Variants in UGT1A3 observed in about 807,000 individuals in gnomAD.
The protein encoded by UGT1A3 is UDP-glucuronosyltransferase 1A3.
A neutral mutation model predicts 41.0 loss-of-function variants in UGT1A3; 31 were observed. That is an observed-to-expected ratio of 0.76 (90% CI 0.57 to 1.02). UGT1A3 has a LOEUF of 1.02. UGT1A3 is among the 50% of genes least tolerant of loss of function. The pLI, the probability that UGT1A3 is intolerant of heterozygous loss-of-function variation, is 0.00. For missense variants in UGT1A3, 737 were observed against 671.0 expected (o/e 1.10, Z -1.09); for synonymous variants, 262 against 257.6 (o/e 1.02, Z -0.17).
chr2:233,738,569 A>G (rs1031993936), intron 1 of UGT1A3, among the ~76,000 whole-genome samples: 1 of 152,222 alleles, frequency 6.6e-6, no homozygotes, highest in African/African-American at 2.4e-5. Context: ...GAATCTGTTG[A>G]GAACTGGAGC....
chr2:233,729,788 C>T lies in UGT1A3; in HGVS notation c.662C>T (p.Ser221Phe), dbSNP rs377448970. 5 of 1,613,954 alleles carry T rather than the reference C, an allele frequency of 3.1e-6. No homozygotes were observed. Among genetic ancestry groups the T allele is most frequent in the Non-Finnish European group, 3.4e-6 (4 of 1,179,858 alleles). ...AACATGCTCTACCCTCTGGCCCTGT[C>T]CTACATTTGCCATGCTTTTTCTGCT... ...VKNMLYPLAL[S>F]YICHAFSAPY... Residue 221 changes from serine to phenylalanine, a missense_variant, in exon 1 of 5, where the codon TCC (serine) becomes TTC (phenylalanine). Coordinates refer to ENST00000482026, the MANE Select transcript of UGT1A3 (RefSeq NM_019093.4).
At chr2:233,733,135 T>C (rs2078360537) in intron 1 of UGT1A3, among the ~76,000 whole-genome samples, 1 of 152,236 alleles carries the variant, frequency 6.6e-6, no homozygotes, top group Admixed American at 6.5e-5. Flanking sequence ...ATAGGAATGC[T>C]TGTGATTTTT....
chr2:233,755,243 TC>T (rs1695828165), intron 1 of UGT1A3: 10 of 851,914 alleles, frequency 1.2e-5, no homozygotes. Flanking sequence ...ACCGGGGTAC[TC>T]CCAGCACCTC....
At chr2:233,757,567 T>TATATATATATATATATATATATA (rs1553619947) in intron 1 of UGT1A3, among the ~76,000 whole-genome samples, 8 of 142,914 alleles carry the variant, frequency 5.6e-5, no homozygotes, top group Non-Finnish European at 1.1e-4. Context: ...TATATGTATA[T>TATATATATATATATATATATATA]ATGATATAGC....
At chr2:233,744,388 A>G (rs1176772242) in intron 1 of UGT1A3, among the ~76,000 whole-genome samples, 1 of 151,864 alleles carries the variant, frequency 6.6e-6, no homozygotes, top group Non-Finnish European at 1.5e-5. Flanking sequence ...CCAACGTTCC[A>G]GCCCCGGTGC....
At chr2:233,768,584 T>C (rs1699663282) in intron 4 of UGT1A3, 145 bp downstream of exon 4, 3 of 86,896 alleles carry the variant, frequency 3.5e-5, no homozygotes, top group Non-Finnish European at 4.3e-5. Flanking sequence ...TATTTCTTCT[T>C]TTTTTTTTTT....
chr2:233,762,622 T>A (rs772893097), intron 1 of UGT1A3, among the ~76,000 whole-genome samples: 3 of 152,196 alleles, frequency 2.0e-5, no homozygotes, highest in Non-Finnish European at 4.4e-5. Context: ...TGTTGTGACC[T>A]CAAACACTTC....
rs547148364 is a variant in UGT1A3 at position 233,757,849 on chromosome 2, T to G, written c.868-9185T>G. 5.3e-5 allele frequency among the ~76,000 whole-genome samples: 8 copies of G among 152,118 alleles called. No individual in the cohort carries two copies. The East Asian group carries it at 1.5e-3, about 29-fold the overall frequency. On this transcript the variant is annotated intron_variant, in intron 1 of 4. Coordinates refer to ENST00000482026, the MANE Select transcript of UGT1A3 (RefSeq NM_019093.4). The stretch of plus-strand genomic sequence containing the variant: ...TGATGGTGGCCTACTAACTTATGTC[T>G]TCAGCTTAAAAAGAAAGTAGCTTCA...
intron 4 of UGT1A3, chr2:233,771,269 T>A (rs1318778151): frequency 6.6e-6 from 1 of 152,200 alleles, no homozygotes; most frequent in African/African-American, 2.4e-5. Flanking sequence ...CCTTTTTTTT[T>A]CTTTCTTCTC....
chr2:233,771,969 G>T (rs1040138861), intron 4 of UGT1A3, among the ~76,000 whole-genome samples: 1 of 152,096 alleles, frequency 6.6e-6, no homozygotes, highest in Non-Finnish European at 1.5e-5. Context: ...TTAAAAATTG[G>T]CCAGACATAG....
intron 1 of UGT1A3, among the ~76,000 whole-genome samples, chr2:233,745,959 A>G (rs923729881): frequency 6.6e-6 from 1 of 151,676 alleles, no homozygotes; most frequent in African/African-American, 2.4e-5. Flanking sequence ...ACTGGGGGAC[A>G]GGGGCCCTGA....
intron 1 of UGT1A3, among the ~76,000 whole-genome samples, chr2:233,757,571 A>G (rs112550375): frequency 3.9e-5 from 3 of 77,334 alleles, no homozygotes; most frequent in African/African-American, 1.8e-4. Flanking sequence ...TGTATATATG[A>G]TATAGCTATA....
chr2:233,771,982 G>T (rs1700430504), intron 4 of UGT1A3, among the ~76,000 whole-genome samples: 2 of 152,206 alleles, frequency 1.3e-5, no homozygotes, highest in South Asian at 4.1e-4. Context: ...AGACATAGTG[G>T]TGCATGACTA....
At chr2:233,739,371 G>C (rs1691070576) in intron 1 of UGT1A3, among the ~76,000 whole-genome samples, 1 of 152,184 alleles carries the variant, frequency 6.6e-6, no homozygotes. Flanking sequence ...AGCTTGCACT[G>C]TGTGCCTGGA....
At position 233,772,474 on chromosome 2, in the gene UGT1A3, C is replaced by G; in HGVS notation, c.1520C>G (p.Thr507Ser). The G allele has an allele frequency of 6.2e-7, 1 of 1,614,104 alleles. No individual in the cohort carries two copies. Among genetic ancestry groups the G allele is most frequent in the Non-Finnish European group, 8.5e-7 (1 of 1,180,024 alleles). Residue 507 changes from threonine (T) to serine (S), a missense_variant, in exon 5 of 5, where the codon ACC (threonine) becomes AGC (serine). By Grantham distance (58) the Thr-to-Ser change is moderately conservative. Transcript: ENST00000482026. ...GTCGTGCTGACAGTGGCCTTCATCA[C>G]CTTTAAATGTTGTGCTTATGGCTAC... is the stretch of plus-strand genomic sequence containing the variant. The part of the protein sequence containing the change: ...LAVVLTVAFI[T>S]FKCCAYGYRK...
rs45586035 is a variant in UGT1A3, at chr2:233,729,636, G to GT, written c.518dup (p.Leu173PhefsTer7). 7.6e-4 allele frequency: 1,222 copies of GT among 1,613,576 alleles called. 6 individuals are homozygous for GT. The African/African-American group carries it at 1.0e-2, about 13-fold the overall frequency. On this transcript the variant is annotated frameshift_variant, in exon 1 of 5. Coordinates refer to ENST00000482026, the MANE Select transcript of UGT1A3 (RefSeq NM_019093.4). LOFTEE classifies it high-confidence loss of function. ...CTAAGTACCTGTCGATTCCTACTGT[G>GT]TTTTTTTTGAGGAACATTCCATGTG...
At chr2:233,742,200 G>A (rs1293437959) in intron 1 of UGT1A3, among the ~76,000 whole-genome samples, 2 of 151,984 alleles carry the variant, frequency 1.3e-5, no homozygotes, top group East Asian at 3.9e-4. Context: ...GAAATCAGGG[G>A]ACTCACAGCC....
chr2:233,741,124 A>T (rs1048949215), intron 1 of UGT1A3, among the ~76,000 whole-genome samples: 1 of 151,714 alleles, frequency 6.6e-6, no homozygotes, highest in Non-Finnish European at 1.5e-5. Context: ...ACTTCTATAA[A>T]AGCAACACTT....
intron 1 of UGT1A3, among the ~76,000 whole-genome samples, chr2:233,745,639 G>A (rs182919627): frequency 4.6e-5 from 7 of 151,616 alleles, no homozygotes; most frequent in African/African-American, 1.7e-4. Flanking sequence ...AAAGCTGGCC[G>A]AGGGTAGAGT....
Sources: allele counts gnomAD v4.1 joint callset (sites outside exome capture counted in the v4.1 genomes callset), GRCh38; gene constraint gnomAD v4.1.1; transcripts MANE v1.5; gene names NCBI Gene and HGNC (gene_info 2026-07-23, HGNC 2026-07-21).